GSG1L: variants seen among roughly 807,000 people sequenced by gnomAD.
GSG1L encodes the protein GSG1 like, also known as germ cell-specific gene 1-like protein.
In GSG1L, 24 loss-of-function variants were observed where a neutral mutation model predicts 42.1. The ratio of observed to expected loss-of-function variants is 0.57; its 90% CI spans 0.41 to 0.80. GSG1L has a LOEUF of 0.80. Among genes scored for constraint, GSG1L ranks in the 30% least tolerant of loss-of-function variants. The probability of loss-of-function intolerance (pLI) is 0.00; values close to 1 mark genes in which losing one functional copy is unlikely to be tolerated. For synonymous variants in GSG1L, 215 were observed against 203.5 expected (o/e 1.06, Z -0.48); for missense variants, 445 against 472.2 (o/e 0.94, Z 0.53).
chr16:27,944,372 A>G (rs2084839295), intron 2 of GSG1L, among the ~76,000 whole-genome samples: 1 of 152,194 alleles, frequency 6.6e-6, no homozygotes. Flanking sequence ...CTGTAATCCC[A>G]GCACTTTGGG....
intron 1 of GSG1L, among the ~76,000 whole-genome samples, chr16:27,999,169 G>A (rs983184901): frequency 3.3e-5 from 5 of 152,194 alleles, no homozygotes; most frequent in Admixed American, 1.3e-4. Flanking sequence ...TGGGTCAGGC[G>A]CAGTGGCTCA....
intron 4 of GSG1L, among the ~76,000 whole-genome samples, chr16:27,832,369 C>T (rs2083282562): frequency 6.6e-6 from 1 of 152,200 alleles, no homozygotes; most frequent in Non-Finnish European, 1.5e-5. Flanking sequence ...TTTATAGCTA[C>T]AGCCACTTCC....
chr16:27,959,789 A>G (rs1392493255), intron 2 of GSG1L, among the ~76,000 whole-genome samples: 1 of 152,148 alleles, frequency 6.6e-6, no homozygotes, highest in African/African-American at 2.4e-5. Context: ...CTCAAAATAT[A>G]AAATACAGAT....
intron 2 of GSG1L, among the ~76,000 whole-genome samples, chr16:27,936,460 G>A (rs562172223): frequency 2.4e-4 from 36 of 152,228 alleles, no homozygotes; most frequent in South Asian, 4.1e-4. Context: ...ACCTCCCTCC[G>A]TCTCTTGCCT....
At chr16:28,043,996 T>C (rs1022134254) in intron 1 of GSG1L, among the ~76,000 whole-genome samples, 8 of 151,894 alleles carry the variant, frequency 5.3e-5, no homozygotes, top group African/African-American at 1.9e-4. Flanking sequence ...CACTCCAGCC[T>C]GGGCAAGAGA....
chr16:27,848,797 G>A (rs977331879), intron 3 of GSG1L, among the ~76,000 whole-genome samples: 1 of 152,020 alleles, frequency 6.6e-6, no homozygotes, highest in African/African-American at 2.4e-5. Flanking sequence ...GAGGAGCTGA[G>A]GGCAGCCATG....
At chr16:27,836,927 A>G (rs931795806) in intron 4 of GSG1L, among the ~76,000 whole-genome samples, 2 of 152,104 alleles carry the variant, frequency 1.3e-5, no homozygotes, top group Non-Finnish European at 2.9e-5. Context: ...GAGACTCTGG[A>G]TCTTGTTTAA....
intron 1 of GSG1L, among the ~76,000 whole-genome samples, chr16:27,969,147 G>A (rs761947898): frequency 1.5e-4 from 23 of 152,014 alleles, no homozygotes; most frequent in Non-Finnish European, 2.5e-4. Context: ...ATAAAATAAA[G>A]TGTACAATTC....
chr16:27,921,175 G>A (rs74015159), intron 2 of GSG1L, among the ~76,000 whole-genome samples: 5,207 of 152,120 alleles, frequency 0.034, 299 homozygotes, highest in African/African-American at 0.12. Flanking sequence ...CCATTCTGAC[G>A]GTTCAAATAT....
At chr16:27,807,646 C>T in intron 5 of GSG1L, 92 bp from the exon 6 acceptor site, 3 of 1,039,108 alleles carry the variant, frequency 2.9e-6, no homozygotes, top group Non-Finnish European at 4.3e-6. Context: ...TGCAATCTTC[C>T]CCCCTCTGGA....
At chr16:27,903,265 C>T (rs551013256) in intron 2 of GSG1L, among the ~76,000 whole-genome samples, 1 of 152,200 alleles carries the variant, frequency 6.6e-6, no homozygotes, top group East Asian at 1.9e-4. Flanking sequence ...GGAAGCCTCC[C>T]GCCAGGGAGC....
At chr16:28,062,085 A>C (rs2086347872) in intron 1 of GSG1L, among the ~76,000 whole-genome samples, 1 of 152,128 alleles carries the variant, frequency 6.6e-6, no homozygotes, top group Non-Finnish European at 1.5e-5. Context: ...AGGAGTTTTA[A>C]CCTTGGAGAA....
At chr16:27,913,683 T>C (rs1461928676) in intron 2 of GSG1L, among the ~76,000 whole-genome samples, 2 of 152,204 alleles carry the variant, frequency 1.3e-5, no homozygotes, top group Non-Finnish European at 1.5e-5. Flanking sequence ...TGCTTTCATA[T>C]AACAATGGCA....
intron 1 of GSG1L, among the ~76,000 whole-genome samples, chr16:28,000,863 C>T (rs932503663): frequency 2.6e-5 from 4 of 152,172 alleles, no homozygotes; most frequent in African/African-American, 4.8e-5. Flanking sequence ...CCCCTTGACC[C>T]GCCATTGCTT....
intron 3 of GSG1L, among the ~76,000 whole-genome samples, chr16:27,870,711 G>C (rs1456325813): frequency 6.6e-6 from 1 of 151,428 alleles, no homozygotes; most frequent in African/African-American, 2.5e-5. Context: ...TGCCCTCATG[G>C]GATGACTCCC....
chr16:27,881,365 C>T (rs1247156546), intron 3 of GSG1L, among the ~76,000 whole-genome samples: 1 of 151,260 alleles, frequency 6.6e-6, no homozygotes, highest in Admixed American at 6.6e-5. Flanking sequence ...CCTCAGCCTC[C>T]TAAGTAGCTG....
intron 3 of GSG1L, among the ~76,000 whole-genome samples, chr16:27,860,097 A>G (rs1001573242): frequency 9.9e-5 from 15 of 152,174 alleles, no homozygotes; most frequent in Admixed American, 3.9e-4. Flanking sequence ...CCAAAGATTA[A>G]GGCTTAACTG....
chr16:28,044,905 G>A (rs955885231), intron 1 of GSG1L, among the ~76,000 whole-genome samples: 6 of 152,288 alleles, frequency 3.9e-5, no homozygotes, highest in African/African-American at 1.2e-4. Flanking sequence ...GATTACAGGC[G>A]TGAGCTACCG....
intron 2 of GSG1L, among the ~76,000 whole-genome samples, chr16:27,905,476 G>A (rs536683270): frequency 6.6e-6 from 1 of 152,048 alleles, no homozygotes; most frequent in South Asian, 2.1e-4. Context: ...GTGTCATGCT[G>A]CCTGGCTAAT....
Sources: allele counts gnomAD v4.1 joint callset (sites outside exome capture counted in the v4.1 genomes callset), GRCh38; gene constraint gnomAD v4.1.1; transcripts MANE v1.5; gene names NCBI Gene and HGNC (gene_info 2026-07-23, HGNC 2026-07-21).